The following MORC1 variants were observed in gnomAD, a reference collection of about 807,000 sequenced individuals.
MORC1 encodes MORC family CW-type zinc finger protein 1.
A neutral mutation model predicts 134.9 loss-of-function variants in MORC1; 59 were observed. The ratio of observed to expected loss-of-function variants is 0.44; its 90% CI spans 0.35 to 0.54. MORC1 has a LOEUF of 0.54. Ranked by LOEUF, MORC1 falls within the 20% of genes least tolerant of loss-of-function variation. The pLI, the probability that MORC1 is intolerant of heterozygous loss-of-function variation, is 0.00. For missense variants in MORC1, 947 were observed against 1,134.5 expected, an observed-to-expected ratio of 0.83 and a Z score of 2.37; for synonymous variants, 395 against 391.7, an observed-to-expected ratio of 1.01 and a Z score of -0.10.
Position 109,080,351 on chromosome 3 carries a change from T to A in MORC1, c.690-10594A>T, listed in dbSNP as rs114226938. Among the ~76,000 whole-genome samples the A allele has an allele frequency of 5.1e-3, 778 of 152,246 alleles. 18 individuals are homozygous for A. The highest frequency in any genetic ancestry group is 0.018 in the African/African-American group (746 of 41,538). On this transcript the variant is annotated intron_variant, in intron 8 of 27. Transcript: ENST00000232603. ...AACCATCACATCTTGTTGGACTTAC[T>A]ATCACAAGAACACCACAGCAAAGAC...
Position 109,094,972 on chromosome 3 carries a change from A to G in MORC1, c.520T>C (p.Tyr174His). 1 of 1,596,232 alleles carries G rather than the reference A, an allele frequency of 6.3e-7. No individual in the cohort carries two copies. Among genetic ancestry groups the G allele is most frequent in the Non-Finnish European group, 8.5e-7 (1 of 1,175,368 alleles). The change falls in exon 7 of 28, where the codon TAC becomes CAC. Residue 174 changes from tyrosine to histidine, a missense_variant. Physicochemically the swap from Tyr to His is moderately conservative, Grantham distance 83 (BLOSUM62 2). Coordinates refer to ENST00000232603, the MANE Select transcript of MORC1 (RefSeq NM_014429.4). ...TCTGCTTCAGTTTTAAATGGGGAGT[A>G]TTTATAAATTATAGATAATTCCATT... is the stretch of plus-strand genomic sequence containing the variant. ...FAMELSIIYKYSPFKTEAELM... is the reference protein window; with the variant it reads ...FAMELSIIYKHSPFKTEAELM...
chr3:109,008,077 G>C (rs1559888938), intron 17 of MORC1, among the ~76,000 whole-genome samples: 1 of 152,130 alleles, frequency 6.6e-6, no homozygotes, highest in African/African-American at 2.4e-5. Context: ...ATATATCCTA[G>C]AGGTTTTTCT....
intron 12 of MORC1, among the ~76,000 whole-genome samples, chr3:109,058,864 G>A (rs1349474325): frequency 1.3e-5 from 2 of 151,830 alleles, no homozygotes; most frequent in African/African-American, 4.8e-5. Context: ...ACAAGTTCAT[G>A]GCAACTGGCA....
At chr3:109,103,983 G>A (rs1950976573) in intron 3 of MORC1, 66 bp from the exon 4 acceptor site, 1 of 1,384,882 alleles carries the variant, frequency 7.2e-7, no homozygotes, top group Non-Finnish European at 1.0e-6. Context: ...AAGTCATGCT[G>A]CTAGAATAAT....
intron 14 of MORC1, among the ~76,000 whole-genome samples, chr3:109,047,375 C>T (rs978669397): frequency 6.6e-6 from 1 of 152,040 alleles, no homozygotes; most frequent in Non-Finnish European, 1.5e-5. Context: ...ATTTTATTTG[C>T]AATACGGCTG....
intron 14 of MORC1, among the ~76,000 whole-genome samples, chr3:109,050,380 C>T (rs1949794290): frequency 6.6e-6 from 1 of 152,256 alleles, no homozygotes; most frequent in Admixed American, 6.5e-5. Flanking sequence ...TGAGGGCTTG[C>T]TTCCTGGTTC....
At chr3:109,096,797 AAC>A (rs1273895011) in intron 6 of MORC1, among the ~76,000 whole-genome samples, 1 of 152,120 alleles carries the variant, frequency 6.6e-6, no homozygotes, top group African/African-American at 2.4e-5. Flanking sequence ...AAGGTCCAAG[AAC>A]TCTCTCTTGG....
chr3:108,966,148 G>A (rs1947215285), intron 26 of MORC1, among the ~76,000 whole-genome samples: 1 of 152,146 alleles, frequency 6.6e-6, no homozygotes, highest in African/African-American at 2.4e-5. Context: ...AAGATGAGAG[G>A]CTTAGTTCTG....
chr3:109,025,127 A>C (rs975002483), intron 17 of MORC1, among the ~76,000 whole-genome samples: 2 of 152,158 alleles, frequency 1.3e-5, no homozygotes, highest in African/African-American at 4.8e-5. Flanking sequence ...TCATTGTAAC[A>C]AGTCACACCA....
intron 1 of MORC1, among the ~76,000 whole-genome samples, chr3:109,115,244 T>C (rs1951244404): frequency 6.6e-6 from 1 of 152,092 alleles, no homozygotes; most frequent in South Asian, 2.1e-4. Flanking sequence ...TTATCAAAAA[T>C]ACATCTGCTC....
intron 23 of MORC1, 127 bp downstream of exon 23, chr3:108,984,589 A>C: frequency 1.5e-6 from 1 of 646,416 alleles, no homozygotes; most frequent in Middle Eastern, 3.1e-4. Flanking sequence ...CTGTTGTAAA[A>C]TTTGGTTCCA....
chr3:109,012,352 A>C (rs1244830370), intron 17 of MORC1, among the ~76,000 whole-genome samples: 1 of 152,192 alleles, frequency 6.6e-6, no homozygotes, highest in African/African-American at 2.4e-5. Flanking sequence ...TTACAGTTTT[A>C]TTATGAGTAT....
chr3:109,057,505 A>G lies in MORC1; in HGVS notation c.1032-19T>C, dbSNP rs761152745. On this transcript the variant is annotated intron_variant, in intron 12 of 27. Transcript: ENST00000232603. ...TAATTCTCTAGAGTTACATTTAAAA[A>G]GTTTAAAAAGTTGTTTATTAAATAA... 37 of 1,553,594 alleles carry G rather than the reference A, an allele frequency of 2.4e-5. No homozygotes were observed.
At position 108,958,701 on chromosome 3, in the gene MORC1, C is replaced by T. The variant is rs1401874746; in HGVS notation, c.*264G>A. 2 of 183,640 alleles carry T rather than the reference C, an allele frequency of 1.1e-5. No homozygotes were observed. Among genetic ancestry groups the T allele is most frequent in the Non-Finnish European group, 1.1e-5 (1 of 89,648 alleles). 11.4% of individuals were successfully genotyped at this position (183,640 alleles called of 1,614,324 possible). ...GACATTTTCATTTTTTTCAGTAGCT[C>T]ACATGAAAATTAGAGAACTCTAGAT... On this transcript the variant is annotated 3_prime_UTR_variant, in exon 28 of 28. Coordinates refer to ENST00000232603, the MANE Select transcript of MORC1 (RefSeq NM_014429.4).
intron 12 of MORC1, among the ~76,000 whole-genome samples, chr3:109,058,037 T>A (rs992068936): frequency 7.9e-4 from 121 of 152,240 alleles, no homozygotes; most frequent in African/African-American, 2.9e-3. Flanking sequence ...ACTGACCTTC[T>A]ATATTATGTT....
At chr3:109,046,689 TTTA>T (rs1271435801) in intron 14 of MORC1, among the ~76,000 whole-genome samples, 1 of 152,254 alleles carries the variant, frequency 6.6e-6, no homozygotes, top group Non-Finnish European at 1.5e-5. Context: ...TTATTTTATT[TTTA>T]ATGGATTAGA....
intron 1 of MORC1, 97 bp from the exon 2 acceptor site, chr3:109,114,534 G>T: frequency 1.0e-6 from 1 of 992,086 alleles, no homozygotes; most frequent in Non-Finnish European, 1.5e-6. Context: ...TCCAGTTCCA[G>T]ACATCTAGTG....
At chr3:108,997,431 G>A (rs1200071106) in intron 21 of MORC1, among the ~76,000 whole-genome samples, 1 of 151,966 alleles carries the variant, frequency 6.6e-6, no homozygotes, top group African/African-American at 2.4e-5. Flanking sequence ...GGGAGGCTGA[G>A]GCAAGAGAAT....
chr3:108,992,427 T>TA (rs1948089751), intron 21 of MORC1, among the ~76,000 whole-genome samples: 1 of 152,182 alleles, frequency 6.6e-6, no homozygotes, highest in Non-Finnish European at 1.5e-5. Flanking sequence ...GAATAACTAT[T>TA]AACAGTAAGT....
Sources: gnomAD v4.1 joint callset for allele counts (sites outside exome capture counted in the v4.1 genomes callset) on GRCh38, gnomAD v4.1.1 for gene constraint, MANE v1.5 for transcripts, NCBI Gene and HGNC (gene_info 2026-07-23, HGNC 2026-07-21) for gene names.